Variants in COL6A6 observed in about 807,000 individuals in gnomAD.
COL6A6 encodes the protein collagen alpha-6(VI) chain.
COL6A6 carries 183 observed loss-of-function variants against 208.6 expected under a neutral mutation model. That is an observed-to-expected ratio of 0.88 (90% CI 0.78 to 0.99). The LOEUF (loss-of-function observed/expected upper bound fraction) is 0.99. COL6A6 is among the 50% of genes least tolerant of loss of function. The pLI is 0.00. For synonymous variants in COL6A6, 973 were observed against 1,011.8 expected (o/e 0.96, Z 0.73); for missense variants, 2,816 against 2,815.2 (o/e 1.00, Z -0.01).
Position 130,661,807 on chromosome 3 carries a change from C to T in COL6A6, c.6001C>T (p.Pro2001Ser). ...LLDHFEITPE[P>S]ETSVTGDRVA... is the part of the protein sequence containing the mutation. The stretch of plus-strand genomic sequence containing the variant: ...AGATCACTTTGAAATCACCCCAGAG[C>T]CGGAGACTTCTGTCACTGGAGACCG... The change falls in exon 35 of 37, where the codon CCG becomes TCG. Residue 2001 changes from proline to serine, a missense_variant. Physicochemically the swap from Pro to Ser is moderately conservative, Grantham distance 74. Transcript: ENST00000358511. 1 of 1,613,924 alleles carries T rather than the reference C, an allele frequency of 6.2e-7. No homozygotes were observed. The highest frequency in any genetic ancestry group is 1.1e-5 in the South Asian group (1 of 91,070).
intron 1 of COL6A6, among the ~76,000 whole-genome samples, chr3:130,530,391 G>A (rs4386466): frequency 0.69 from 104,313 of 151,398 alleles, 39,839 homozygotes; most frequent in Non-Finnish European, 0.85. Context: ...AATTTACATC[G>A]CCTTTCTGTA....
At chr3:130,576,881 C>T (rs1467337245) in intron 8 of COL6A6, among the ~76,000 whole-genome samples, 1 of 152,128 alleles carries the variant, frequency 6.6e-6, no homozygotes, top group Non-Finnish European at 1.5e-5. Context: ...GGGTATGGTT[C>T]AAAACAAACT....
At position 130,581,697 on chromosome 3, in the gene COL6A6, C is replaced by A. The variant is rs748929648; in HGVS notation, c.3684C>A (p.Ser1228Arg). The A allele has an allele frequency of 7.4e-6, 12 of 1,613,820 alleles. No individual in the cohort carries two copies. Among genetic ancestry groups the A allele is most frequent in the Non-Finnish European group, 9.3e-6 (11 of 1,179,854 alleles). ...CCATCAGCTCCCTCAATGGAGTAAG[C>A]TGTGAGGTGGGCACAGAGACTCAGG... ...LRAISSLNGV[S>R]CEVGTETQVS... The change falls in exon 9 of 37, where the codon AGC becomes AGA. Residue 1228 changes from serine (S) to arginine (R), a missense_variant. Transcript: ENST00000358511.
chr3:130,655,713 A>T (rs183037489), intron 33 of COL6A6, among the ~76,000 whole-genome samples: 1 of 152,336 alleles, frequency 6.6e-6, no homozygotes, highest in African/African-American at 2.4e-5. Context: ...GTTTATTTGC[A>T]CTAAGAGCTA....
chr3:130,527,442 T>C (rs1703983265), intron 1 of COL6A6, among the ~76,000 whole-genome samples: 1 of 152,152 alleles, frequency 6.6e-6, no homozygotes, highest in Non-Finnish European at 1.5e-5. Flanking sequence ...AAGGTAGCCA[T>C]TCAAAAATGT....
At chr3:130,658,536 A>G (rs2065856971) in intron 33 of COL6A6, 140 bp from the exon 34 acceptor site, 1 of 615,858 alleles carries the variant, frequency 1.6e-6, no homozygotes. Flanking sequence ...GCTCTTAGCC[A>G]TGCTTACATG....
chr3:130,596,689 G>A (rs1351129941), intron 18 of COL6A6, among the ~76,000 whole-genome samples: 3 of 152,126 alleles, frequency 2.0e-5, no homozygotes, highest in Non-Finnish European at 4.4e-5. Flanking sequence ...GAGCTGTTTG[G>A]AATTTCCCAT....
At chr3:130,604,320 C>T (rs982332332) in intron 20 of COL6A6, among the ~76,000 whole-genome samples, 4 of 151,934 alleles carry the variant, frequency 2.6e-5, no homozygotes, top group Non-Finnish European at 4.4e-5. Flanking sequence ...AGTGAAACCC[C>T]GTCTCTACTA....
intron 26 of COL6A6, among the ~76,000 whole-genome samples, chr3:130,627,627 T>C (rs1387864056): frequency 6.6e-6 from 1 of 152,238 alleles, no homozygotes; most frequent in Non-Finnish European, 1.5e-5. Context: ...TAGTCTGACT[T>C]GTTCCAGCCT....
At chr3:130,665,913 G>A (rs2066063446) in intron 36 of COL6A6, among the ~76,000 whole-genome samples, 1 of 152,140 alleles carries the variant, frequency 6.6e-6, no homozygotes, top group African/African-American at 2.4e-5. Flanking sequence ...ACAGGAAAAT[G>A]TGCCTTTACG....
intron 19 of COL6A6, 140 bp downstream of exon 19, chr3:130,598,570 A>T: frequency 1.6e-6 from 1 of 637,690 alleles, no homozygotes; most frequent in South Asian, 2.1e-5. Flanking sequence ...TAGGAGCAAA[A>T]TGATCTTTTC....
At chr3:130,559,338 T>C (rs1025398250) in intron 1 of COL6A6, among the ~76,000 whole-genome samples, 3 of 152,198 alleles carry the variant, frequency 2.0e-5, no homozygotes, top group Non-Finnish European at 4.4e-5. Flanking sequence ...CTGAAAACTC[T>C]ACATCGTCTA....
chr3:130,596,920 TTAATTG>T (rs1216874916), intron 18 of COL6A6, among the ~76,000 whole-genome samples: 10 of 152,236 alleles, frequency 6.6e-5, no homozygotes, highest in African/African-American at 2.4e-4. Flanking sequence ...AAGCCCATGT[TTAATTG>T]TAAATTTGTG....
At chr3:130,569,782 C>T (rs2063116256) in intron 6 of COL6A6, among the ~76,000 whole-genome samples, 1 of 152,160 alleles carries the variant, frequency 6.6e-6, no homozygotes, top group Non-Finnish European at 1.5e-5. Context: ...CGTAAATTCC[C>T]AAGTACAGCC....
At chr3:130,611,370 G>A (rs908850580) in intron 23 of COL6A6, among the ~76,000 whole-genome samples, 2 of 152,216 alleles carry the variant, frequency 1.3e-5, no homozygotes, top group African/African-American at 4.8e-5. Context: ...TGATGCTGCT[G>A]ATCCAGACCA....
At chr3:130,583,968 A>G (rs147733781) in intron 10 of COL6A6, among the ~76,000 whole-genome samples, 142 of 152,340 alleles carry the variant, frequency 9.3e-4, no homozygotes, top group African/African-American at 3.0e-3. Flanking sequence ...AAGAGGAGAC[A>G]AGGAAAAAAC....
chr3:130,517,476 C>T (rs376350080), intron 1 of COL6A6, among the ~76,000 whole-genome samples, 79 bp downstream of exon 1: 227 of 152,318 alleles, frequency 1.5e-3, no homozygotes, highest in South Asian at 4.6e-3. Flanking sequence ...TGGGAGGGAC[C>T]GGCCAGAATA....
intron 8 of COL6A6, among the ~76,000 whole-genome samples, chr3:130,576,285 G>A (rs914167389): frequency 6.6e-6 from 1 of 152,056 alleles, no homozygotes; most frequent in African/African-American, 2.4e-5. Context: ...CTCTCCTTGC[G>A]TATATGTGTG....
At chr3:130,661,108 C>T (rs528110244) in intron 34 of COL6A6, among the ~76,000 whole-genome samples, 1 of 152,240 alleles carries the variant, frequency 6.6e-6, no homozygotes, top group South Asian at 2.1e-4. Flanking sequence ...CTAATGAGCA[C>T]TATGGAAATG....
Sources: gnomAD v4.1 joint callset for allele counts (sites outside exome capture counted in the v4.1 genomes callset) on GRCh38, gnomAD v4.1.1 for gene constraint, MANE v1.5 for transcripts, NCBI Gene and HGNC (gene_info 2026-07-23, HGNC 2026-07-21) for gene names.